Variants in DDAH1 observed in about 807,000 individuals in gnomAD.
DDAH1 encodes the protein N(G),N(G)-dimethylarginine dimethylaminohydrolase 1.
DDAH1 carries 19 observed loss-of-function variants against 28.8 expected under a neutral mutation model. That is an observed-to-expected ratio of 0.66 (90% confidence interval 0.46 to 0.97). The LOEUF (loss-of-function observed/expected upper bound fraction) is 0.97, where lower values mean the gene tolerates loss of function less well. DDAH1 is among the 50% of genes least tolerant of loss of function. DDAH1 has a pLI of 0.00. For synonymous variants in DDAH1, 153 were observed against 154.4 expected (o/e 0.99, Z 0.07); for missense variants, 326 against 375.9 (o/e 0.87, Z 1.10).
At chr1:85,552,046 G>A (rs951548616) in intron 1 of DDAH1, among the ~76,000 whole-genome samples, 2 of 152,144 alleles carry the variant, frequency 1.3e-5, no homozygotes, top group African/African-American at 4.8e-5. Context: ...AATCCCAAGG[G>A]GATAACTTGT....
intron 2 of DDAH1, among the ~76,000 whole-genome samples, chr1:85,476,986 A>G (rs1304313650): frequency 6.6e-6 from 1 of 152,124 alleles, no homozygotes; most frequent in East Asian, 1.9e-4. Flanking sequence ...CTCACAAACT[A>G]AGTGCTGTAA....
chr1:85,528,659 T>C (rs1295097047), intron 1 of DDAH1, among the ~76,000 whole-genome samples: 1 of 152,156 alleles, frequency 6.6e-6, no homozygotes, highest in South Asian at 2.1e-4. Context: ...CTTCCTTCCT[T>C]TAAGCTTCCT....
At chr1:85,483,382 A>G (rs938195330) in intron 2 of DDAH1, among the ~76,000 whole-genome samples, 1 of 152,166 alleles carries the variant, frequency 6.6e-6, no homozygotes, top group Non-Finnish European at 1.5e-5. Flanking sequence ...TTCTGCCCTC[A>G]TCAAGACCCT....
intron 4 of DDAH1, among the ~76,000 whole-genome samples, chr1:85,339,725 G>GTT (rs1648354414): frequency 6.6e-6 from 1 of 152,260 alleles, no homozygotes; most frequent in South Asian, 2.1e-4. Flanking sequence ...TAGTGTCTAT[G>GTT]TTTCACCCTA....
intron 1 of DDAH1, among the ~76,000 whole-genome samples, chr1:85,379,175 C>A (rs1650842039): frequency 6.6e-6 from 1 of 152,174 alleles, no homozygotes; most frequent in Non-Finnish European, 1.5e-5. Flanking sequence ...ATTATCCAGT[C>A]CCTTGTTTTC....
intron 1 of DDAH1, among the ~76,000 whole-genome samples, chr1:85,393,693 T>C (rs6576763): frequency 0.63 from 95,801 of 151,908 alleles, 30,279 homozygotes; most frequent in African/African-American, 0.67. Flanking sequence ...CCTGCCCATC[T>C]TGTCTTATGG....
chr1:85,444,620 G>C (rs992839458), intron 1 of DDAH1, among the ~76,000 whole-genome samples: 1 of 152,184 alleles, frequency 6.6e-6, no homozygotes, highest in Non-Finnish European at 1.5e-5. Context: ...AGAATGTTGT[G>C]AGTGCTAAAC....
chr1:85,345,116 A>G, intron 4 of DDAH1, among the ~76,000 whole-genome samples: 1 of 152,214 alleles, frequency 6.6e-6, no homozygotes, highest in African/African-American at 2.4e-5. Context: ...TCATCTTAAA[A>G]TAACTATTAT....
chr1:85,349,938 A>G (rs1038775654), intron 4 of DDAH1, among the ~76,000 whole-genome samples: 3 of 152,184 alleles, frequency 2.0e-5, no homozygotes, highest in Admixed American at 2.0e-4. Flanking sequence ...TATTATTCCA[A>G]ATGCAAATGA....
intron 1 of DDAH1, among the ~76,000 whole-genome samples, chr1:85,511,324 C>G (rs7519135): frequency 0.34 from 51,694 of 152,010 alleles, 9,403 homozygotes; most frequent in Admixed American, 0.47. Flanking sequence ...CACAATGTAC[C>G]AGAGTCTCTG....
intron 1 of DDAH1, among the ~76,000 whole-genome samples, chr1:85,574,891 C>A (rs6677312): frequency 0.11 from 16,293 of 149,334 alleles, 1,005 homozygotes; most frequent in East Asian, 0.19. Context: ...CTCTCTCTCT[C>A]TATATATATA....
chr1:85,555,764 G>A (rs1658943566), intron 1 of DDAH1, among the ~76,000 whole-genome samples: 1 of 152,066 alleles, frequency 6.6e-6, no homozygotes, highest in South Asian at 2.1e-4. Context: ...ATTTGAACTG[G>A]TAAAACCTAA....
At chr1:85,519,972 C>CTTTATTTA (rs1553145018) in intron 1 of DDAH1, among the ~76,000 whole-genome samples, 1,961 of 150,694 alleles carry the variant, frequency 0.013, 18 homozygotes, top group African/African-American at 0.018. Context: ...TTTTTTTCCC[C>CTTTATTTA]TTTATTTATT....
chr1:85,571,926 C>G (rs183166812), intron 1 of DDAH1, among the ~76,000 whole-genome samples: 68 of 151,950 alleles, frequency 4.5e-4, no homozygotes, highest in African/African-American at 1.6e-3. Context: ...CCACCCCACC[C>G]AACATTCAAT....
chr1:85,460,016 T>G (rs1360347767), intron 1 of DDAH1, among the ~76,000 whole-genome samples: 1 of 152,198 alleles, frequency 6.6e-6, no homozygotes, highest in Non-Finnish European at 1.5e-5. Flanking sequence ...CATAAAAACC[T>G]CATTTCTGCA....
At chr1:85,551,995 G>A (rs1658806219) in intron 1 of DDAH1, among the ~76,000 whole-genome samples, 1 of 152,178 alleles carries the variant, frequency 6.6e-6, no homozygotes, top group Non-Finnish European at 1.5e-5. Flanking sequence ...AGGAGGCTGA[G>A]GCATAGATTC....
rs546693067 is a variant in DDAH1, at chr1:85,480,499, C to T, written c.-7+15667G>A. 3.3e-5 allele frequency among the ~76,000 whole-genome samples: 5 copies of T among 152,244 alleles called. No individual in the cohort carries two copies. The South Asian group carries it at 6.2e-4, about 19-fold the overall frequency. On this transcript the variant is annotated intron_variant, in intron 2 of 6. Transcript: ENST00000426972. ...GTGGCTCACATCTATAATCCCAGCA[C>T]TTTGGGAGGCTGAAGCTGGCGGATC...
intron 1 of DDAH1, among the ~76,000 whole-genome samples, chr1:85,433,324 G>A (rs1171055607): frequency 1.3e-5 from 2 of 152,056 alleles, no homozygotes; most frequent in African/African-American, 4.8e-5. Flanking sequence ...GCAGGGGCGA[G>A]GAGACAGGGC....
chr1:85,523,179 T>C (rs1488828946), intron 1 of DDAH1, among the ~76,000 whole-genome samples: 2 of 151,914 alleles, frequency 1.3e-5, no homozygotes, highest in Non-Finnish European at 2.9e-5. Context: ...AAGTGGAAAA[T>C]TCAAAGCTGA....
Sources: gnomAD v4.1 joint callset for allele counts (sites outside exome capture counted in the v4.1 genomes callset) on GRCh38, gnomAD v4.1.1 for gene constraint, MANE v1.5 for transcripts, NCBI Gene and HGNC (gene_info 2026-07-23, HGNC 2026-07-21) for gene names.